The following GPATCH8 variants were observed in gnomAD, a reference collection of about 807,000 sequenced individuals.
GPATCH8 encodes the protein G-patch domain containing 8.
GPATCH8 carries 18 observed loss-of-function variants against 118.3 expected under a neutral mutation model. That is an observed-to-expected ratio of 0.15 (90% CI 0.11 to 0.23). The LOEUF is 0.23. GPATCH8 is among the 10% of genes least tolerant of loss of function. GPATCH8 has a pLI of 1.00. For missense variants in GPATCH8, 1,631 were observed against 1,873.8 expected (o/e 0.87, Z 2.39); for synonymous variants, 659 against 684.7 (o/e 0.96, Z 0.59).
chr17:44,428,734 T>G (rs569114277), intron 5 of GPATCH8, among the ~76,000 whole-genome samples: 3 of 146,282 alleles, frequency 2.1e-5, no homozygotes, highest in African/African-American at 7.6e-5. Flanking sequence ...GTCCAGGAGG[T>G]CGAGGCTGCA....
At chr17:44,476,177 G>A (rs1305014088) in intron 1 of GPATCH8, among the ~76,000 whole-genome samples, 1 of 151,780 alleles carries the variant, frequency 6.6e-6, no homozygotes, top group African/African-American at 2.4e-5. Context: ...GAAGACTACA[G>A]AGTCTTACAA....
In GPATCH8 at chr17:44,405,961, G is replaced by A. The variant is rs1346100577; in HGVS notation, c.583C>T (p.Arg195Trp). Residue 195 changes from arginine (R) to tryptophan (W), a missense_variant, in exon 7 of 8, where the codon CGG becomes TGG. By Grantham distance (101) the Arg-to-Trp change is moderately radical. Transcript: ENST00000591680. The stretch of plus-strand genomic sequence containing the variant: ...CTTTGCTCTGCCAACTCATGGAGCC[G>A]CCGAAGGGCTTTTTCCTGTTTTTTC... The part of the protein sequence containing the change: ...DEKKQEKALR[R>W]LHELAEQRKQ... 6.2e-7 allele frequency: 1 copy of A among 1,611,792 alleles called. No individual in the cohort carries two copies. The highest frequency in any genetic ancestry group is 8.5e-7 in the Non-Finnish European group (1 of 1,177,992).
chr17:44,502,636 T>C (rs35447133), intron 1 of GPATCH8, among the ~76,000 whole-genome samples: 8,855 of 152,230 alleles, frequency 0.058, 362 homozygotes, highest in Middle Eastern at 0.1. Context: ...CCTATTATCA[T>C]CACGCTTCTC....
chr17:44,456,944 A>G (rs921065897), intron 3 of GPATCH8, among the ~76,000 whole-genome samples: 2 of 151,802 alleles, frequency 1.3e-5, no homozygotes, highest in African/African-American at 2.4e-5. Flanking sequence ...GCTCACTACA[A>G]CCTCTACTGC....
chr17:44,398,384 G>C lies in GPATCH8; in HGVS notation c.3693C>G (p.Asp1231Glu). ...VAPLGTPAHSDCYPGDPTISH... is the reference protein window; with the variant it reads ...VAPLGTPAHSECYPGDPTISH... ...AGATGGTTGGGTCCCCAGGGTAGCAGTCAGAATGTGCTGGGGTGCCTAGTG... is the reference window on the plus strand; with the variant it reads ...AGATGGTTGGGTCCCCAGGGTAGCACTCAGAATGTGCTGGGGTGCCTAGTG... Residue 1231 changes from aspartate to glutamate, a missense_variant, in exon 8 of 8, where the codon GAC (aspartate) becomes GAG (glutamate). Coordinates refer to ENST00000591680, the MANE Select transcript of GPATCH8 (RefSeq NM_001002909.4). The C allele has an allele frequency of 6.2e-7, 1 of 1,614,066 alleles. No individual in the cohort carries two copies. The highest frequency in any genetic ancestry group is 8.5e-7 in the Non-Finnish European group (1 of 1,179,928).
At chr17:44,420,038 G>GT (rs35137337) in intron 6 of GPATCH8, among the ~76,000 whole-genome samples, 7,246 of 143,202 alleles carry the variant, frequency 0.051, 245 homozygotes, top group African/African-American at 0.11. Context: ...GTACTACATG[G>GT]TTTTTTTTTT....
At chr17:44,449,490 C>G (rs981627188) in intron 3 of GPATCH8, among the ~76,000 whole-genome samples, 1 of 145,244 alleles carries the variant, frequency 6.9e-6, no homozygotes, top group Non-Finnish European at 1.5e-5. Flanking sequence ...GGCGTGAGCC[C>G]CTGCACTCAG....
chr17:44,438,819 C>G (rs2050596442), intron 3 of GPATCH8: 1 of 152,420 alleles, frequency 6.6e-6, no homozygotes, highest in Non-Finnish European at 1.5e-5. Flanking sequence ...TGGGCTTTGT[C>G]CCTCCCCCAA....
intron 1 of GPATCH8, among the ~76,000 whole-genome samples, chr17:44,478,956 C>A (rs547551525): frequency 2.0e-5 from 3 of 152,286 alleles, no homozygotes; most frequent in East Asian, 3.9e-4. Flanking sequence ...AGTGATCCTC[C>A]TGCCTCTGCC....
chr17:44,464,258 G>C (rs936971759), intron 3 of GPATCH8, among the ~76,000 whole-genome samples: 4 of 152,102 alleles, frequency 2.6e-5, no homozygotes, highest in African/African-American at 9.7e-5. Context: ...AAGTTTCGAT[G>C]ACACAGCAGC....
intron 3 of GPATCH8, among the ~76,000 whole-genome samples, chr17:44,449,176 C>T (rs1329170926): frequency 6.6e-6 from 1 of 152,224 alleles, no homozygotes; most frequent in East Asian, 1.9e-4. Context: ...ACTTGGGAGG[C>T]TGAGGCAGAA....
At chr17:44,407,353 C>A in intron 6 of GPATCH8, 1 of 151,896 alleles carries the variant, frequency 6.6e-6, no homozygotes, top group East Asian at 1.9e-4. Context: ...CATTACTACA[C>A]GAGCTCTCTT....
chr17:44,491,463 G>C (rs1305954405), intron 1 of GPATCH8, among the ~76,000 whole-genome samples: 7 of 148,512 alleles, frequency 4.7e-5, no homozygotes. Flanking sequence ...ACTCCAGCCT[G>C]GTGACAGAGC....
chr17:44,451,764 C>T (rs566948403), intron 3 of GPATCH8, among the ~76,000 whole-genome samples: 2 of 152,266 alleles, frequency 1.3e-5, no homozygotes, highest in East Asian at 3.9e-4. Context: ...ACTTCAAGTG[C>T]CCTACGAGAA....
chr17:44,398,687 G>A lies in GPATCH8; in HGVS notation c.3390C>T (p.Tyr1130=). The A allele has an allele frequency of 6.3e-7, 1 of 1,582,614 alleles. No individual in the cohort carries two copies. Residue 1130 remains tyrosine (Y), a synonymous_variant, in exon 8 of 8, where the codon TAC becomes TAT. Coordinates refer to ENST00000591680, the MANE Select transcript of GPATCH8 (RefSeq NM_001002909.4). ...GAGATGGGGGGAGCTTGGGCCCAAA[G>A]TAACCTTGTGGGGGGTCCTTGAGCT... The part of the protein sequence containing the change: ...GPKLKDPPQG[Y]FGPKLPPSLG...
At chr17:44,435,644 T>TCA (rs2050481049) in intron 4 of GPATCH8, among the ~76,000 whole-genome samples, 1 of 148,766 alleles carries the variant, frequency 6.7e-6, no homozygotes, top group African/African-American at 2.4e-5. Context: ...CTTGAACTCC[T>TCA]CACCTCAGGT....
At position 44,401,260 on chromosome 17, in the gene GPATCH8, C is replaced by A; in HGVS notation, c.817G>T (p.Ala273Ser). Residue 273 changes from alanine to serine, a missense_variant, in exon 8 of 8, where the codon GCC becomes TCC. Coordinates refer to ENST00000591680, the MANE Select transcript of GPATCH8 (RefSeq NM_001002909.4). ...TGGGAGGCTAACCCAGGAGCCTGGG[C>A]CAGTCCAGTGGTATTAGTGATTTGT... Reference protein sequence around the residue: ...AVQITNTTGLAQAPGLASQGI... With the variant: ...AVQITNTTGLSQAPGLASQGI... 6.2e-7 allele frequency: 1 copy of A among 1,613,782 alleles called. No individual in the cohort carries two copies.
At chr17:44,421,093 C>T (rs2049883097) in intron 6 of GPATCH8, among the ~76,000 whole-genome samples, 2 of 151,358 alleles carry the variant, frequency 1.3e-5, no homozygotes, top group African/African-American at 4.9e-5. Context: ...CTCAACTGAT[C>T]TGCCCGCCTT....
chr17:44,403,429 G>A (rs540225271), intron 7 of GPATCH8, among the ~76,000 whole-genome samples: 54 of 152,112 alleles, frequency 3.6e-4, no homozygotes, highest in Non-Finnish European at 7.1e-4. Context: ...ATGTTGACCA[G>A]TTTGGTCTTG....
Sources: allele counts gnomAD v4.1 joint callset (sites outside exome capture counted in the v4.1 genomes callset), GRCh38; gene constraint gnomAD v4.1.1; transcripts MANE v1.5; gene names NCBI Gene and HGNC (gene_info 2026-07-23, HGNC 2026-07-21).